Variants in SERPINI1 observed in about 807,000 individuals in gnomAD.
The protein encoded by SERPINI1 is neuroserpin.
A neutral mutation model predicts 41.1 loss-of-function variants in SERPINI1; 19 were observed. That is an observed-to-expected ratio of 0.46 (90% CI 0.32 to 0.68). The LOEUF is 0.68. SERPINI1 is among the 30% of genes least tolerant of loss of function. SERPINI1 has a pLI of 0.03. For missense variants in SERPINI1, 460 were observed against 479.2 expected (o/e 0.96, Z 0.37); for synonymous variants, 138 against 156.6 (o/e 0.88, Z 0.89).
chr3:167,778,731 ATTATCAGTTAACTATGC>A (rs1272838360), intron 1 of SERPINI1, among the ~76,000 whole-genome samples: 1 of 152,216 alleles, frequency 6.6e-6, no homozygotes, highest in Non-Finnish European at 1.5e-5. Context: ...ACAATGGCTG[ATTATCAGTTAACTATGC>A]TTATAGGCTG....
At chr3:167,783,509 G>A (rs1727208544) in intron 1 of SERPINI1, among the ~76,000 whole-genome samples, 1 of 152,144 alleles carries the variant, frequency 6.6e-6, no homozygotes, top group Admixed American at 6.5e-5. Context: ...TTTGGGAATA[G>A]TCTTAATAGA....
At chr3:167,818,525 T>A (rs1318481352) in intron 6 of SERPINI1, among the ~76,000 whole-genome samples, 1 of 152,200 alleles carries the variant, frequency 6.6e-6, no homozygotes. Flanking sequence ...GTATGTTCTT[T>A]TTTTGCTCTT....
At chr3:167,790,683 C>T (rs1727477196) in intron 3 of SERPINI1, 81 bp downstream of exon 3, 1 of 1,073,572 alleles carries the variant, frequency 9.3e-7, no homozygotes, top group African/African-American at 1.6e-5. Flanking sequence ...CTCCTTGTTC[C>T]TTTTGCATTT....
At chr3:167,822,252 ATTCT>A (rs1393452448) in intron 6 of SERPINI1, among the ~76,000 whole-genome samples, 3 of 152,200 alleles carry the variant, frequency 2.0e-5, no homozygotes, top group Non-Finnish European at 4.4e-5. Flanking sequence ...TAAATTTAAA[ATTCT>A]GTCTCCAAAT....
chr3:167,811,096 G>T lies in SERPINI1; in HGVS notation c.979+3755G>T, dbSNP rs143108482. Among the ~76,000 whole-genome samples the T allele has an allele frequency of 6.3e-3, 955 of 151,958 alleles. 13 individuals carry two copies. Among genetic ancestry groups the T allele is most frequent in the African/African-American group, 0.022 (915 of 41,432 alleles). On this transcript the variant is annotated intron_variant, in intron 6 of 8. Coordinates refer to ENST00000446050, the MANE Select transcript of SERPINI1 (RefSeq NM_001122752.2). ...CTTCCTACAATGAAATTTTGAAACT[G>T]TCAGTTATAAAAGTCAGAATCAACT... is the stretch of plus-strand genomic sequence containing the variant.
At chr3:167,769,092 C>T (rs1433330717) in intron 1 of SERPINI1, among the ~76,000 whole-genome samples, 1 of 152,106 alleles carries the variant, frequency 6.6e-6, no homozygotes, top group African/African-American at 2.4e-5. Flanking sequence ...CTCCCAGGTT[C>T]AGAGAGTTCT....
At chr3:167,753,423 G>A (rs1201715866) in intron 1 of SERPINI1, among the ~76,000 whole-genome samples, 1 of 152,062 alleles carries the variant, frequency 6.6e-6, no homozygotes, top group Non-Finnish European at 1.5e-5. Flanking sequence ...AAACTATAAG[G>A]GTGGTAAATA....
Position 167,784,478 on chromosome 3 carries a change from C to T in SERPINI1, c.-18-4633C>T, listed in dbSNP as rs538465248. Reference sequence around the variant, plus strand: ...ATGATTGTATTAGTCCGTTCTCACACGGCTATGAAGAAATACCCGAGACTG... The same window carrying T: ...ATGATTGTATTAGTCCGTTCTCACATGGCTATGAAGAAATACCCGAGACTG... On this transcript the variant is annotated intron_variant, in intron 1 of 8. Transcript: ENST00000446050. Among the ~76,000 whole-genome samples the T allele has an allele frequency of 1.1e-4, 16 of 152,206 alleles. No homozygotes were observed. In the South Asian group the frequency reaches 1.5e-3, roughly 14 times the overall value.
intron 1 of SERPINI1, among the ~76,000 whole-genome samples, chr3:167,744,872 T>A (rs1387833108): frequency 2.2e-5 from 3 of 136,638 alleles, no homozygotes; most frequent in African/African-American, 8.2e-5. Flanking sequence ...TATATAAATA[T>A]ATATATATCA....
chr3:167,807,424 G>A (rs1711687582), intron 6 of SERPINI1, 83 bp downstream of exon 6: 1 of 887,198 alleles, frequency 1.1e-6, no homozygotes, highest in Admixed American at 2.1e-5. Context: ...TATTTACTAT[G>A]GAGTTCTGGG....
chr3:167,792,929 T>C, intron 4 of SERPINI1, 145 bp downstream of exon 4: 1 of 684,828 alleles, frequency 1.5e-6, no homozygotes, highest in Non-Finnish European at 2.5e-6. Context: ...AAAAACCCTC[T>C]AATTAGTTTC....
chr3:167,743,004 T>G (rs1363362117), intron 1 of SERPINI1, among the ~76,000 whole-genome samples: 1 of 152,178 alleles, frequency 6.6e-6, no homozygotes, highest in African/African-American at 2.4e-5. Context: ...TCTAATATTT[T>G]TCCTATACTT....
intron 6 of SERPINI1, among the ~76,000 whole-genome samples, chr3:167,821,207 A>G (rs1712313285): frequency 6.6e-6 from 1 of 152,132 alleles, no homozygotes; most frequent in Non-Finnish European, 1.5e-5. Flanking sequence ...GGACTGAAAG[A>G]GCTGTAACAC....
chr3:167,781,798 T>C (rs768796467), intron 1 of SERPINI1, among the ~76,000 whole-genome samples: 42 of 152,164 alleles, frequency 2.8e-4, no homozygotes, highest in Non-Finnish European at 4.4e-4. Context: ...TTGTGAATAA[T>C]CAATACCTTA....
chr3:167,819,730 G>A (rs992184342), intron 6 of SERPINI1, among the ~76,000 whole-genome samples: 3 of 152,176 alleles, frequency 2.0e-5, no homozygotes, highest in African/African-American at 7.2e-5. Context: ...AAGCTTGAAG[G>A]AAAATGTATT....
intron 6 of SERPINI1, among the ~76,000 whole-genome samples, chr3:167,809,468 T>C (rs1005181527): frequency 2.0e-5 from 3 of 152,220 alleles, no homozygotes; most frequent in South Asian, 2.1e-4. Context: ...AAATCAATTA[T>C]TGTGGTCAGT....
At chr3:167,820,461 C>T (rs1187012391) in intron 6 of SERPINI1, among the ~76,000 whole-genome samples, 2 of 152,230 alleles carry the variant, frequency 1.3e-5, no homozygotes, top group Non-Finnish European at 1.5e-5. Flanking sequence ...GCTCCTACTG[C>T]CTGGCCTCTC....
intron 1 of SERPINI1, among the ~76,000 whole-genome samples, chr3:167,774,956 A>G (rs937745613): frequency 2.6e-5 from 4 of 152,078 alleles, no homozygotes; most frequent in Non-Finnish European, 4.4e-5. Context: ...AAGGACAAAA[A>G]CAAGCTACAA....
At chr3:167,809,112 C>T (rs1426004950) in intron 6 of SERPINI1, among the ~76,000 whole-genome samples, 1 of 152,128 alleles carries the variant, frequency 6.6e-6, no homozygotes, top group East Asian at 1.9e-4. Context: ...TGGCTTATAT[C>T]CAAGCTTCTA....
Sources: allele counts gnomAD v4.1 joint callset (sites outside exome capture counted in the v4.1 genomes callset), GRCh38; gene constraint gnomAD v4.1.1; transcripts MANE v1.5; gene names NCBI Gene and HGNC (gene_info 2026-07-23, HGNC 2026-07-21).